The following EGFL6 variants were observed in gnomAD, a reference collection of about 807,000 sequenced individuals.
EGFL6 encodes the protein EGF like domain multiple 6.
In EGFL6, 42 loss-of-function variants were observed where a neutral mutation model predicts 43.1. The ratio of observed to expected loss-of-function variants is 0.98; its 90% CI spans 0.76 to 1.26. The LOEUF (loss-of-function observed/expected upper bound fraction) is 1.26. EGFL6 is among the 50% of genes most tolerant of loss of function. EGFL6 has a pLI of 0.00. For missense variants in EGFL6, 429 were observed against 427.8 expected, an observed-to-expected ratio of 1.00 and a Z score of -0.02; for synonymous variants, 164 against 163.2, an observed-to-expected ratio of 1.01 and a Z score of -0.04.
At chrX:13,592,406 A>G (rs181168372) in intron 2 of EGFL6, among the ~76,000 whole-genome samples, 11 of 111,639 alleles carry the variant, frequency 9.9e-5, no homozygotes, top group Non-Finnish European at 2.1e-4. Flanking sequence ...CCCCATTAAA[A>G]GTTCTACAGT....
At chrX:13,579,375 G>A (rs951180211) in intron 1 of EGFL6, among the ~76,000 whole-genome samples, 1 of 111,487 alleles carries the variant, frequency 9.0e-6, no homozygotes, top group African/African-American at 3.3e-5. Context: ...GCATTAGTTT[G>A]CTAAGGATAA....
intron 10 of EGFL6, 43 bp downstream of exon 10, chrX:13,623,968 G>A: frequency 9.9e-7 from 1 of 1,014,651 alleles, no homozygotes; most frequent in Non-Finnish European, 1.4e-6. Flanking sequence ...TATGGTGAAG[G>A]GATAGAAAGC....
At chrX:13,622,446 G>C (rs972763294) in intron 9 of EGFL6, among the ~76,000 whole-genome samples, 5 of 111,966 alleles carry the variant, frequency 4.5e-5, no homozygotes, top group African/African-American at 1.6e-4. Context: ...AGAATCAGCT[G>C]CTGCTGTGTT....
chrX:13,592,329 A>G (rs2045569013), intron 2 of EGFL6, among the ~76,000 whole-genome samples: 1 of 112,292 alleles, frequency 8.9e-6, no homozygotes, highest in South Asian at 3.7e-4. Context: ...TTTTGTCTCT[A>G]AAAGTGGAAA....
At chrX:13,608,175 C>T (rs2045670366) in intron 6 of EGFL6, 149 bp from the exon 7 acceptor site, 1 of 666,159 alleles carries the variant, frequency 1.5e-6, no homozygotes, top group South Asian at 4.7e-5. Context: ...GGCCAATGAG[C>T]CTGCAGTTCT....
intron 3 of EGFL6, among the ~76,000 whole-genome samples, chrX:13,597,549 C>T (rs5935630): frequency 0.54 from 58,964 of 110,041 alleles, 12,867 homozygotes; most frequent in African/African-American, 0.82. Flanking sequence ...TTAGGGAGGT[C>T]GAGGTGGGTG....
chrX:13,628,691 C>T (rs1277365654), intron 11 of EGFL6, among the ~76,000 whole-genome samples: 1 of 111,694 alleles, frequency 9.0e-6, no homozygotes, highest in Non-Finnish European at 1.9e-5. Context: ...CCTGTAATCC[C>T]AGCTACTCAG....
chrX:13,583,504 G>A (rs1028649719), intron 1 of EGFL6, among the ~76,000 whole-genome samples: 2 of 111,705 alleles, frequency 1.8e-5, no homozygotes, highest in Middle Eastern at 9.2e-3. Context: ...CCTGATGTGT[G>A]TAGTTACTTA....
chrX:13,574,760 C>A, intron 1 of EGFL6: 1 of 112,865 alleles, frequency 8.9e-6, no homozygotes, highest in South Asian at 3.3e-4. Context: ...CGGAGTCAAT[C>A]AGCTGTAGGC....
intron 8 of EGFL6, 150 bp from the exon 9 acceptor site, chrX:13,619,013 T>C (rs763988084): frequency 4.8e-5 from 21 of 436,156 alleles, no homozygotes; most frequent in Non-Finnish European, 7.9e-5. Context: ...CCAATGTGAA[T>C]TATTTGGAAA....
intron 11 of EGFL6, among the ~76,000 whole-genome samples, chrX:13,632,723 A>T (rs2045820107): frequency 9.0e-6 from 1 of 111,563 alleles, no homozygotes; most frequent in Non-Finnish European, 1.9e-5. Flanking sequence ...GTGAATTCCA[A>T]AATTTCCTTT....
At position 13,569,802 on chromosome X, in the gene EGFL6, G is replaced by A; in HGVS notation, c.-60G>A. ...AGGAGGCGGCGGCTTAGCTGCTACG[G>A]GGTCCGGCCGGCGCCCTCCCGAGGG... On this transcript the variant is annotated 5_prime_UTR_variant, in exon 1 of 12. Transcript: ENST00000361306. The A allele has an allele frequency of 8.7e-7, 1 of 1,146,722 alleles. No homozygotes were observed. Among genetic ancestry groups the A allele is most frequent in the Non-Finnish European group, 1.2e-6 (1 of 838,712 alleles). 94.5% of individuals were successfully genotyped at this position (1,146,722 alleles called of 1,213,427 possible). A position where few individuals can be genotyped will look rare whatever the true frequency, so the allele number is the denominator to read the frequency against.
intron 9 of EGFL6, among the ~76,000 whole-genome samples, chrX:13,623,368 T>C (rs1486083771): frequency 3.5e-5 from 3 of 86,419 alleles, no homozygotes; most frequent in African/African-American, 1.4e-4. Flanking sequence ...GGTTTTTGTT[T>C]TATTTTGGGT....
intron 3 of EGFL6, among the ~76,000 whole-genome samples, chrX:13,595,347 G>C (rs1268447851): frequency 1.8e-5 from 2 of 111,638 alleles, no homozygotes; most frequent in Admixed American, 1.9e-4. Flanking sequence ...AAAAGTGAGA[G>C]TGATCACCAC....
chrX:13,606,390 T>C lies in EGFL6; in HGVS notation c.532T>C (p.Cys178Arg). Residue 178 changes from cysteine to arginine, a missense_variant, in exon 6 of 12, where the codon TGT (cysteine) becomes CGT (arginine). Transcript: ENST00000361306. Reference sequence around the variant, plus strand: ...TTTTTACACCCTAGATATTGATGAATGTGCCTCTGGTAAAGTCATCTGTCC... The same window carrying C: ...TTTTTACACCCTAGATATTGATGAACGTGCCTCTGGTAAAGTCATCTGTCC... Reference protein sequence around the residue: ...NGRDCLDIDECASGKVICPYN... With the variant: ...NGRDCLDIDERASGKVICPYN... 8.3e-7 allele frequency: 1 copy of C among 1,211,030 alleles called. No individual in the cohort carries two copies. The highest frequency in any genetic ancestry group is 1.1e-6 in the Non-Finnish European group (1 of 895,109).
chrX:13,593,167 G>A (rs1296241874), intron 2 of EGFL6, among the ~76,000 whole-genome samples: 2 of 110,428 alleles, frequency 1.8e-5, no homozygotes, highest in African/African-American at 3.3e-5. Context: ...CACCCTCCTC[G>A]GCCTCCCAAA....
rs147490984 is a variant in EGFL6, at chrX:13,605,459, G to C, written c.521-920G>C. On this transcript the variant is annotated intron_variant, in intron 5 of 11. Coordinates refer to ENST00000361306, the MANE Select transcript of EGFL6 (RefSeq NM_015507.4). The stretch of plus-strand genomic sequence containing the variant: ...CAGGCATGGTGGCACATGCTTTGTA[G>C]TCCCAGCTACTCAGGAGGCTGAGGT... 9.8e-3 allele frequency among the ~76,000 whole-genome samples: 1,061 copies of C among 108,704 alleles called. 13 individuals are homozygous for C. Among genetic ancestry groups the C allele is most frequent in the African/African-American group, 0.033 (980 of 29,803 alleles). 94.4% of individuals were successfully genotyped at this position (108,704 alleles called of 115,157 possible). A position where few individuals can be genotyped will look rare whatever the true frequency, so the allele number is the denominator to read the frequency against.
chrX:13,633,092 C>T lies in EGFL6; in HGVS notation c.1659C>T (p.Asp553=), dbSNP rs766526973. The change falls in exon 12 of 12, where the codon GAC becomes GAT. Residue 553 remains aspartate (D), a synonymous_variant. Transcript: ENST00000361306. ...LCPDSLLSVD[D] is the part of the protein sequence containing the mutation. ...CAGATAGCCTTTTATCTGTGGATGA[C>T]TGAATGTTACTATCTTTATATTTGA... 5 of 1,179,757 alleles carry T rather than the reference C, an allele frequency of 4.2e-6. No individual in the cohort carries two copies. The highest frequency in any genetic ancestry group is 4.9e-5 in the Admixed American group (2 of 40,905).
chrX:13,579,599 G>A (rs1017722360), intron 1 of EGFL6, among the ~76,000 whole-genome samples: 6 of 111,467 alleles, frequency 5.4e-5, no homozygotes, highest in African/African-American at 1.6e-4. Flanking sequence ...ATATTCCTTT[G>A]GATATATACC....
Sources: gnomAD v4.1 joint callset for allele counts (sites outside exome capture counted in the v4.1 genomes callset) on GRCh38, gnomAD v4.1.1 for gene constraint, MANE v1.5 for transcripts, NCBI Gene and HGNC (gene_info 2026-07-23, HGNC 2026-07-21) for gene names.